VEZT: variants seen among roughly 807,000 people sequenced by gnomAD.
The protein encoded by VEZT is vezatin.
In VEZT, 39 loss-of-function variants were observed where a neutral mutation model predicts 79.9. The observed-to-expected ratio is 0.49, with a 90% confidence interval of 0.38 to 0.64. VEZT has a LOEUF of 0.64. VEZT is among the 30% of genes least tolerant of loss of function. The pLI is 0.00. For synonymous variants in VEZT, 325 were observed against 327.6 expected, an observed-to-expected ratio of 0.99 and a Z score of 0.09; for missense variants, 837 against 893.1, an observed-to-expected ratio of 0.94 and a Z score of 0.80.
intron 1 of VEZT, among the ~76,000 whole-genome samples, chr12:95,240,014 G>A (rs11107950): frequency 4.8e-4 from 56 of 117,272 alleles, no homozygotes; most frequent in Middle Eastern, 4.7e-3. Flanking sequence ...GAGAGAAAGA[G>A]AGAAAGAAAG....
intron 1 of VEZT, among the ~76,000 whole-genome samples, chr12:95,232,275 G>C (rs748021422): frequency 6.6e-5 from 10 of 152,060 alleles, no homozygotes; most frequent in Non-Finnish European, 1.0e-4. Context: ...ATTTTATTTT[G>C]AATTAAAGAT....
intron 7 of VEZT, among the ~76,000 whole-genome samples, chr12:95,279,145 T>C (rs2068445674): frequency 6.6e-6 from 1 of 152,254 alleles, no homozygotes; most frequent in African/African-American, 2.4e-5. Context: ...TTTTGGATTT[T>C]GGATTTTTTC....
intron 1 of VEZT, among the ~76,000 whole-genome samples, chr12:95,243,782 A>G (rs1032206679): frequency 4.6e-5 from 7 of 152,192 alleles, no homozygotes; most frequent in Admixed American, 4.6e-4. Context: ...CATTCTCACA[A>G]TAGTGAGTGA....
At chr12:95,275,053 G>A (rs2067366691) in intron 7 of VEZT, among the ~76,000 whole-genome samples, 164 bp downstream of exon 7, 2 of 152,170 alleles carry the variant, frequency 1.3e-5, no homozygotes. Context: ...TAAGAGCCGA[G>A]AGCATAATAA....
Position 95,270,158 on chromosome 12 carries a change from C to A in VEZT, c.818C>A (p.Ala273Glu), listed in dbSNP as rs1341697631. 6.2e-7 allele frequency: 1 copy of A among 1,610,012 alleles called. No individual in the cohort carries two copies. Among genetic ancestry groups the A allele is most frequent in the African/African-American group, 1.3e-5 (1 of 74,826 alleles). ...ACTCTAAGAGCCAACTTCCAAGCAGCAAGGCTAGCTACCCTATATATGCTG... is the reference window on the plus strand; with the variant it reads ...ACTCTAAGAGCCAACTTCCAAGCAGAAAGGCTAGCTACCCTATATATGCTG... ...YRTLRANFQA[A>E]RLATLYMLKN... Residue 273 changes from alanine (A) to glutamate (E), a missense_variant, in exon 6 of 12, where the codon GCA becomes GAA. Transcript: ENST00000436874.
At chr12:95,299,095 G>C (rs1434460757) in intron 11 of VEZT, 1 of 154,752 alleles carries the variant, frequency 6.5e-6, no homozygotes, top group Non-Finnish European at 1.5e-5. Context: ...TGCCTACAGG[G>C]GTAAAGTCCG....
intron 5 of VEZT, among the ~76,000 whole-genome samples, chr12:95,267,612 A>G (rs1026598709): frequency 4.6e-5 from 7 of 152,222 alleles, no homozygotes; most frequent in African/African-American, 1.7e-4. Context: ...CTAAAAAATC[A>G]TGGAATAGAG....
At chr12:95,229,363 G>C (rs939590522) in intron 1 of VEZT, among the ~76,000 whole-genome samples, 5 of 152,100 alleles carry the variant, frequency 3.3e-5, no homozygotes, top group African/African-American at 1.2e-4. Context: ...CTATATTGAA[G>C]GTTTTCATTT....
chr12:95,262,369 G>T (rs1457800940), intron 3 of VEZT: 1 of 152,228 alleles, frequency 6.6e-6, no homozygotes, highest in Non-Finnish European at 1.5e-5. Context: ...AAGAGAAGGA[G>T]AAATAAATGA....
intron 1 of VEZT, among the ~76,000 whole-genome samples, chr12:95,235,025 A>G (rs1341966978): frequency 6.6e-6 from 1 of 151,904 alleles, no homozygotes; most frequent in Non-Finnish European, 1.5e-5. Context: ...TTCTTAGTAC[A>G]GAACAAAATG....
chr12:95,281,631 T>C (rs4762166), intron 7 of VEZT, among the ~76,000 whole-genome samples: 60,348 of 151,158 alleles, frequency 0.4, 12,472 homozygotes, highest in African/African-American at 0.49. Context: ...CTGTAACGTC[T>C]GCCTCCCAAG....
rs1484693856 is a variant in VEZT, at chr12:95,257,171, G to A, written c.190G>A (p.Ala64Thr). Residue 64 changes from alanine (A) to threonine (T), a missense_variant, in exon 3 of 12, where the codon GCT becomes ACT. Ala to Thr is a moderately conservative substitution (Grantham distance 58). Coordinates refer to ENST00000436874, the MANE Select transcript of VEZT (RefSeq NM_017599.4). ...LPKQGILLKV[A>T]ETIKSWIFFS... is the part of the protein sequence containing the mutation. ...TCAGCAAGGTATCCTGTTAAAAGTG[G>A]CTGAAACCATCAAAAGTTGGATTTT... 3.1e-6 allele frequency: 5 copies of A among 1,611,020 alleles called. No homozygotes were observed. Among genetic ancestry groups the A allele is most frequent in the South Asian group, 1.1e-5 (1 of 90,390 alleles).
intron 2 of VEZT, among the ~76,000 whole-genome samples, chr12:95,255,822 C>T (rs892841515): frequency 2.6e-5 from 4 of 152,118 alleles, no homozygotes; most frequent in Non-Finnish European, 4.4e-5. Flanking sequence ...TTTATTGTTT[C>T]GCTTCCTTGC....
chr12:95,298,098 T>C (rs1347461745), intron 11 of VEZT, among the ~76,000 whole-genome samples: 6 of 151,672 alleles, frequency 4.0e-5, no homozygotes, highest in Non-Finnish European at 8.8e-5. Context: ...CCAGCCTGGG[T>C]GACAGAGTGA....
intron 9 of VEZT, chr12:95,293,568 C>G (rs1458530748): frequency 6.6e-6 from 1 of 152,172 alleles, no homozygotes; most frequent in African/African-American, 2.4e-5. Flanking sequence ...CAATTCCAAC[C>G]TCTGAGTGTT....
Position 95,300,808 on chromosome 12 carries a change from T to G in VEZT, c.*135T>G, listed in dbSNP as rs2075131380. The stretch of plus-strand genomic sequence containing the variant: ...TGTGGATTTACAGGAAGAACCCTGG[T>G]TTGAATAACTGATCTGAAATTAGTA... On this transcript the variant is annotated 3_prime_UTR_variant, in exon 12 of 12. Coordinates refer to ENST00000436874, the MANE Select transcript of VEZT (RefSeq NM_017599.4). The G allele has an allele frequency of 8.1e-7, 1 of 1,229,632 alleles. No individual in the cohort carries two copies. Among genetic ancestry groups the G allele is most frequent in the South Asian group, 2.3e-5 (1 of 43,070 alleles). The allele number at this position is 1,229,632 out of a possible 1,614,324, so 76.2% of individuals were successfully genotyped here.
chr12:95,289,411 T>C (rs1321823595), intron 9 of VEZT, among the ~76,000 whole-genome samples: 1 of 119,680 alleles, frequency 8.4e-6, no homozygotes, highest in Non-Finnish European at 1.7e-5. Context: ...AGCAAGACTC[T>C]TGTCTCAAAA....
intron 2 of VEZT, among the ~76,000 whole-genome samples, chr12:95,253,346 G>A (rs894063125): frequency 6.6e-6 from 1 of 152,082 alleles, no homozygotes; most frequent in African/African-American, 2.4e-5. Flanking sequence ...AACCAAGCTG[G>A]CCCATTTGTA....
chr12:95,247,179 C>T (rs958584576), intron 1 of VEZT, among the ~76,000 whole-genome samples: 2 of 152,176 alleles, frequency 1.3e-5, no homozygotes, highest in Non-Finnish European at 2.9e-5. Context: ...ACAAAAAGCT[C>T]ATCAGATGGT....
Sources: allele counts gnomAD v4.1 joint callset (sites outside exome capture counted in the v4.1 genomes callset), GRCh38; gene constraint gnomAD v4.1.1; transcripts MANE v1.5; gene names NCBI Gene and HGNC (gene_info 2026-07-23, HGNC 2026-07-21).